Variants in KHDRBS2 observed in about 807,000 individuals in gnomAD.
KHDRBS2 encodes the protein KH RNA binding domain containing, signal transduction associated 2, also known as KH domain-containing, RNA-binding, signal transduction-associated protein 2.
A neutral mutation model predicts 44.3 loss-of-function variants in KHDRBS2; 26 were observed. The observed-to-expected ratio is 0.59, with a 90% confidence interval of 0.43 to 0.81. The LOEUF (loss-of-function observed/expected upper bound fraction) is 0.81. KHDRBS2 is among the 40% of genes least tolerant of loss of function. The pLI is 0.00. For synonymous variants in KHDRBS2, 194 were observed against 151.1 expected (o/e 1.28, Z -2.08); for missense variants, 476 against 433.1 (o/e 1.10, Z -0.88).
chr6:61,550,766 C>CTTTTTTTTTTTTTT, the KHDRBS2 span, among the ~76,000 whole-genome samples: 12 of 117,034 alleles, frequency 1.0e-4, no homozygotes, highest in Non-Finnish European at 1.5e-4. Context: ...GAGATGGTAT[C>CTTTTTTTTTTTTTT]TTTTTTTTTT....
chr6:61,739,837 G>A (rs1775902597), intron 6 of KHDRBS2, among the ~76,000 whole-genome samples: 1 of 151,840 alleles, frequency 6.6e-6, no homozygotes, highest in African/African-American at 2.4e-5. Flanking sequence ...AGATACACTA[G>A]ACATAAATAA....
At chr6:61,771,285 G>A (rs1467187481) in intron 6 of KHDRBS2, among the ~76,000 whole-genome samples, 2 of 152,086 alleles carry the variant, frequency 1.3e-5, no homozygotes, top group East Asian at 3.9e-4. Flanking sequence ...CAACTAATGA[G>A]CAAAATAACC....
intron 2 of KHDRBS2, among the ~76,000 whole-genome samples, chr6:62,048,565 A>G (rs1163956265): frequency 6.6e-6 from 1 of 151,896 alleles, no homozygotes; most frequent in African/African-American, 2.4e-5. Context: ...TCAATCTTAC[A>G]TTGTCTATAT....
At chr6:62,131,962 T>C (rs1426885720) in intron 2 of KHDRBS2, among the ~76,000 whole-genome samples, 3 of 152,198 alleles carry the variant, frequency 2.0e-5, no homozygotes, top group East Asian at 1.9e-4. Flanking sequence ...GAGGATAAGA[T>C]GAAGTAGACA....
At chr6:61,629,038 C>T in the KHDRBS2 span, among the ~76,000 whole-genome samples, 3 of 152,258 alleles carry the variant, frequency 2.0e-5, no homozygotes, top group South Asian at 2.1e-4. Flanking sequence ...ATATTCTAAT[C>T]AACCCAATAA....
chr6:61,825,002 C>T (rs1349724005), intron 6 of KHDRBS2, among the ~76,000 whole-genome samples: 1 of 152,098 alleles, frequency 6.6e-6, no homozygotes, highest in East Asian at 1.9e-4. Flanking sequence ...TTATTAAAAT[C>T]TATCATTTCA....
At chr6:62,167,611 T>C (rs1179916709) in intron 2 of KHDRBS2, among the ~76,000 whole-genome samples, 1 of 152,040 alleles carries the variant, frequency 6.6e-6, no homozygotes, top group African/African-American at 2.4e-5. Flanking sequence ...AAATTTAAAT[T>C]CACAAATGAG....
chr6:61,723,108 G>A lies in KHDRBS2; in HGVS notation c.893+9574C>T, dbSNP rs943634755. ...ACTGAGGCAACTAGGGTCTGAAGCAGACCCAAGCAAACCACAGCAGGACTA... is the reference window on the plus strand; with the variant it reads ...ACTGAGGCAACTAGGGTCTGAAGCAAACCCAAGCAAACCACAGCAGGACTA... On this transcript the variant is annotated intron_variant, in intron 7 of 8. Coordinates refer to ENST00000281156, the MANE Select transcript of KHDRBS2 (RefSeq NM_152688.4). Among the ~76,000 whole-genome samples the A allele has an allele frequency of 3.2e-4, 48 of 151,992 alleles. 1 individual carries two copies. Among genetic ancestry groups the A allele is most frequent in the African/African-American group, 1.1e-3 (47 of 41,354 alleles).
chr6:61,928,993 C>A lies in KHDRBS2; in HGVS notation c.484-27622G>T, dbSNP rs1386462421. On this transcript the variant is annotated intron_variant, in intron 4 of 8. Transcript: ENST00000281156. ...TGAAAGGGAAGAGTAATACTTATCA[C>A]ACAATATCATATTTTAACAGTTACA... is the stretch of plus-strand genomic sequence containing the variant. 2.6e-5 allele frequency among the ~76,000 whole-genome samples: 4 copies of A among 152,198 alleles called. No individual in the cohort carries two copies. In the East Asian group the frequency reaches 7.7e-4, roughly 29 times the overall value.
the KHDRBS2 span, among the ~76,000 whole-genome samples, chr6:61,552,242 C>T: frequency 6.6e-6 from 1 of 151,670 alleles, no homozygotes; most frequent in Non-Finnish European, 1.5e-5. Context: ...CCCTGGATAA[C>T]TGTATTCCTT....
intron 2 of KHDRBS2, among the ~76,000 whole-genome samples, chr6:62,165,869 A>G (rs1436320895): frequency 6.6e-6 from 1 of 152,004 alleles, no homozygotes; most frequent in Non-Finnish European, 1.5e-5. Context: ...AATACGTGGC[A>G]TTAAGTACAT....
At chr6:61,923,925 A>C (rs1018527213) in intron 4 of KHDRBS2, among the ~76,000 whole-genome samples, 1 of 152,118 alleles carries the variant, frequency 6.6e-6, no homozygotes, top group Non-Finnish European at 1.5e-5. Context: ...TTAAAAAGTA[A>C]ATAGAAGCCA....
At chr6:62,072,193 T>C (rs369669047) in intron 2 of KHDRBS2, among the ~76,000 whole-genome samples, 1 of 152,202 alleles carries the variant, frequency 6.6e-6, no homozygotes, top group East Asian at 1.9e-4. Flanking sequence ...ATTGATTTTG[T>C]ATCCTGAGAC....
At chr6:62,135,087 T>C (rs1482103903) in intron 2 of KHDRBS2, among the ~76,000 whole-genome samples, 2 of 152,164 alleles carry the variant, frequency 1.3e-5, no homozygotes, top group African/African-American at 2.4e-5. Context: ...CAGAATGATA[T>C]GGTTTGGCTG....
At chr6:61,574,482 A>G in the KHDRBS2 span, 1 of 1,181,622 alleles carries the variant, frequency 8.5e-7, no homozygotes, top group Non-Finnish European at 1.1e-6. Context: ...GCTCTAACCT[A>G]CCAAACCTGC....
intron 4 of KHDRBS2, among the ~76,000 whole-genome samples, chr6:61,911,147 G>A (rs1045862422): frequency 3.0e-4 from 46 of 152,152 alleles, no homozygotes; most frequent in African/African-American, 9.2e-4. Flanking sequence ...TATAGGTCCC[G>A]TGGGTGATAT....
chr6:61,806,950 A>AT (rs1043918249), intron 6 of KHDRBS2, among the ~76,000 whole-genome samples: 7 of 151,966 alleles, frequency 4.6e-5, no homozygotes, highest in South Asian at 2.1e-4. Flanking sequence ...ATGTCAAATC[A>AT]TTTTTTTTAG....
At chr6:61,591,474 G>T in the KHDRBS2 span, among the ~76,000 whole-genome samples, 982 of 152,266 alleles carry the variant, frequency 6.4e-3, 5 homozygotes, top group Middle Eastern at 0.01. Flanking sequence ...GAATACTTCT[G>T]AGGTAGTGAT....
the KHDRBS2 span, among the ~76,000 whole-genome samples, chr6:61,666,995 T>TG: frequency 6.6e-6 from 1 of 150,398 alleles, no homozygotes; most frequent in Non-Finnish European, 1.5e-5. Context: ...TTCTGGGTTT[T>TG]TTTTTTTTTT....
Sources: gnomAD v4.1 joint callset for allele counts (sites outside exome capture counted in the v4.1 genomes callset) on GRCh38, gnomAD v4.1.1 for gene constraint, MANE v1.5 for transcripts, NCBI Gene and HGNC (gene_info 2026-07-23, HGNC 2026-07-21) for gene names.